The following ASXL3 variants were observed in gnomAD, a reference collection of about 807,000 sequenced individuals.
ASXL3 encodes the protein ASXL transcriptional regulator 3.
ASXL3 carries 34 observed loss-of-function variants against 170.6 expected under a neutral mutation model. That is an observed-to-expected ratio of 0.20 (90% CI 0.15 to 0.27). The LOEUF (loss-of-function observed/expected upper bound fraction) is 0.27, where lower values mean the gene tolerates loss of function less well. Ranked by LOEUF, ASXL3 falls within the 10% of genes least tolerant of loss-of-function variation. The pLI, the probability that ASXL3 is intolerant of heterozygous loss-of-function variation, is 1.00. For synonymous variants in ASXL3, 1,002 were observed against 989.1 expected, an observed-to-expected ratio of 1.01 and a Z score of -0.24; for missense variants, 2,592 against 2,695.3, an observed-to-expected ratio of 0.96 and a Z score of 0.85.
At chr18:33,658,018 A>G (rs540663717) in intron 4 of ASXL3, among the ~76,000 whole-genome samples, 1 of 152,262 alleles carries the variant, frequency 6.6e-6, no homozygotes, top group African/African-American at 2.4e-5. Flanking sequence ...ATGCCAGTAC[A>G]TAGTTAGAAA....
At chr18:33,704,842 T>G (rs541495555) in intron 8 of ASXL3, among the ~76,000 whole-genome samples, 1 of 152,074 alleles carries the variant, frequency 6.6e-6, no homozygotes, top group East Asian at 1.9e-4. Context: ...ATAGAAAGGT[T>G]GTTTTGATGG....
chr18:33,682,927 C>G (rs142202070), intron 7 of ASXL3, among the ~76,000 whole-genome samples: 1 of 152,242 alleles, frequency 6.6e-6, no homozygotes, highest in Non-Finnish European at 1.5e-5. Context: ...CTGAAATAAT[C>G]CAGTGCTTAG....
chr18:33,635,062 C>T (rs1470912654), intron 2 of ASXL3, among the ~76,000 whole-genome samples: 1 of 152,096 alleles, frequency 6.6e-6, no homozygotes, highest in Admixed American at 6.6e-5. Context: ...GAGAGGAGAG[C>T]AGTGGGCATT....
intron 10 of ASXL3, among the ~76,000 whole-genome samples, chr18:33,737,617 G>A (rs1474882857): frequency 2.0e-5 from 3 of 152,090 alleles, no homozygotes; most frequent in Non-Finnish European, 4.4e-5. Flanking sequence ...TACAGTAAGA[G>A]ATCTGCATAA....
intron 2 of ASXL3, among the ~76,000 whole-genome samples, chr18:33,633,221 G>A (rs1304118757): frequency 6.6e-6 from 1 of 152,108 alleles, no homozygotes; most frequent in Non-Finnish European, 1.5e-5. Flanking sequence ...CTTCCAACTG[G>A]AAATACAATC....
At chr18:33,587,543 TTTAA>T (rs1421411809) in intron 1 of ASXL3, among the ~76,000 whole-genome samples, 3 of 152,250 alleles carry the variant, frequency 2.0e-5, no homozygotes, top group Non-Finnish European at 4.4e-5. Context: ...AAAAATATGT[TTTAA>T]TTAAACTTTT....
rs11370465 is a variant in ASXL3, at chr18:33,689,003, C to CTT, written c.879+5444_879+5445dup. On this transcript the variant is annotated intron_variant, in intron 8 of 11. Transcript: ENST00000269197. ...CTTGAAAGGTGTATTTTCTTTTTAT[C>CTT]TTTTTTTTTTGATGGAGTCTTACCC... Among the ~76,000 whole-genome samples the CTT allele has an allele frequency of 1.7e-3, 247 of 149,572 alleles. 2 individuals carry two copies. The highest frequency in any genetic ancestry group is 5.0e-3 in the African/African-American group (205 of 40,864).
At chr18:33,718,744 C>T (rs1421508738) in intron 8 of ASXL3, among the ~76,000 whole-genome samples, 1 of 151,470 alleles carries the variant, frequency 6.6e-6, no homozygotes, top group Non-Finnish European at 1.5e-5. Context: ...AATATTTCTG[C>T]CCCTTTTGGC....
intron 2 of ASXL3, among the ~76,000 whole-genome samples, chr18:33,631,891 T>C (rs2065682126): frequency 6.6e-6 from 1 of 152,236 alleles, no homozygotes; most frequent in Middle Eastern, 3.4e-3. Context: ...TTTGATAGTT[T>C]TGTGGTAGTA....
chr18:33,590,111 G>GTTTTTTTTTTTGTTTTTTTT (rs2065064686), intron 1 of ASXL3, among the ~76,000 whole-genome samples: 25 of 83,178 alleles, frequency 3.0e-4, no homozygotes, highest in Non-Finnish European at 5.1e-4. Context: ...TGCTTTCTAT[G>GTTTTTTTTTTTGTTTTTTTT]TTTTTTTTTT....
At chr18:33,592,119 G>T (rs1369314843) in intron 1 of ASXL3, among the ~76,000 whole-genome samples, 7 of 152,086 alleles carry the variant, frequency 4.6e-5, no homozygotes, top group Admixed American at 3.3e-4. Flanking sequence ...CTAGGTGCTA[G>T]TCGTAGGCAG....
intron 8 of ASXL3, among the ~76,000 whole-genome samples, chr18:33,689,590 T>A (rs1486821135): frequency 1.3e-5 from 2 of 152,194 alleles, no homozygotes; most frequent in Non-Finnish European, 2.9e-5. Context: ...TTTCATAATA[T>A]CTCCTACTCA....
chr18:33,679,680 T>C (rs949371667), intron 7 of ASXL3, among the ~76,000 whole-genome samples: 1 of 152,100 alleles, frequency 6.6e-6, no homozygotes, highest in Non-Finnish European at 1.5e-5. Flanking sequence ...GGGCGTTGCG[T>C]ACTGATTCAT....
intron 4 of ASXL3, among the ~76,000 whole-genome samples, chr18:33,658,285 T>C (rs768456263): frequency 6.6e-6 from 1 of 152,146 alleles, no homozygotes; most frequent in Non-Finnish European, 1.5e-5. Context: ...CATTATTTAT[T>C]TATCACATCT....
At chr18:33,683,786 G>T in intron 8 of ASXL3, 1 of 400,620 alleles carries the variant, frequency 2.5e-6, no homozygotes, top group Non-Finnish European at 4.3e-6. Context: ...GTACATTGTG[G>T]TAGAGTGAAA....
chr18:33,670,459 C>T (rs1243783211), intron 5 of ASXL3, among the ~76,000 whole-genome samples: 1 of 152,076 alleles, frequency 6.6e-6, no homozygotes, highest in African/African-American at 2.4e-5. Flanking sequence ...AAAATGGTCT[C>T]GGGCTTATAC....
In ASXL3 at chr18:33,750,214, AG is replaced by A. The variant is rs2067863056; in HGVS notation, c.*3623del. 1 of 152,250 alleles carries A rather than the reference AG, an allele frequency of 6.6e-6. No homozygotes were observed. 9.4% of individuals were successfully genotyped at this position (152,250 alleles called of 1,614,324 possible). On this transcript the variant is annotated 3_prime_UTR_variant, in exon 12 of 12. Transcript: ENST00000269197. Reference sequence around the variant, plus strand: ...AACAGGAACTCTGAATCAGACTGTCAGGGGCCTATGTAGCCAAAATGTTACT... The same window carrying A: ...AACAGGAACTCTGAATCAGACTGTCAGGGCCTATGTAGCCAAAATGTTACT...
rs758031584 is a variant in ASXL3 at position 33,671,804 on chromosome 18, A to C, written c.653A>C (p.Gln218Pro). 6.2e-7 allele frequency: 1 copy of C among 1,611,700 alleles called. No individual in the cohort carries two copies. The highest frequency in any genetic ancestry group is 1.1e-5 in the South Asian group (1 of 90,458). ...DSSDKEMKHG[Q>P]KSPTGKQTSQ... ...TCAGATAAAGAAATGAAACATGGGC[A>C]AAAATCTCCCACTGGAAAACAAACA... The change falls in exon 7 of 12, where the codon CAA (glutamine) becomes CCA (proline). Residue 218 changes from glutamine to proline, a missense_variant. Gln to Pro is a moderately conservative substitution (Grantham distance 76, BLOSUM62 -1). Coordinates refer to ENST00000269197, the MANE Select transcript of ASXL3 (RefSeq NM_030632.3).
chr18:33,739,530 A>G lies in ASXL3; in HGVS notation c.2126A>G (p.Asn709Ser), dbSNP rs771882014. 6.8e-6 allele frequency: 11 copies of G among 1,613,818 alleles called. No individual in the cohort carries two copies. The East Asian group carries it at 8.9e-5, about 13-fold the overall frequency. The change falls in exon 11 of 12, where the codon AAC becomes AGC. Residue 709 changes from asparagine (N) to serine (S), a missense_variant. Physicochemically the swap from Asn to Ser is conservative, Grantham distance 46. This residue lies in a region of ASXL3 where 2,246 missense variants were observed against 2,219.6 expected (regional missense o/e 1.01). Coordinates refer to ENST00000269197, the MANE Select transcript of ASXL3 (RefSeq NM_030632.3). ...PLTSEASPVS[N>S]LPLTSETSPM... is the part of the protein sequence containing the mutation. ...ACATCTGAAGCATCACCAGTATCCA[A>G]CTTACCTTTAACATCAGAAACCTCA... is the stretch of plus-strand genomic sequence containing the variant.
Sources: allele counts gnomAD v4.1 joint callset (sites outside exome capture counted in the v4.1 genomes callset), GRCh38; gene constraint gnomAD v4.1.1; regional missense constraint gnomAD v4.1.1; transcripts MANE v1.5; gene names NCBI Gene and HGNC (gene_info 2026-07-23, HGNC 2026-07-21).